WASHC5: variants seen among roughly 807,000 people sequenced by gnomAD.
The protein encoded by WASHC5 is WASH complex subunit strumpellin.
In WASHC5, 101 loss-of-function variants were observed where a neutral mutation model predicts 150.4. That is an observed-to-expected ratio of 0.67 (90% CI 0.57 to 0.79). The LOEUF (loss-of-function observed/expected upper bound fraction) is 0.79, where lower values mean the gene tolerates loss of function less well. Among genes scored for constraint, WASHC5 ranks in the 30% least tolerant of loss-of-function variants. The probability of loss-of-function intolerance (pLI) is 0.00; values close to 1 mark genes in which losing one functional copy is unlikely to be tolerated. For missense variants in WASHC5, 1,195 were observed against 1,396.3 expected (o/e 0.86, Z 2.30); for synonymous variants, 467 against 491.2 (o/e 0.95, Z 0.65).
At chr8:125,079,597 T>A (rs1184053112) in intron 5 of WASHC5, among the ~76,000 whole-genome samples, 1 of 151,872 alleles carries the variant, frequency 6.6e-6, no homozygotes, top group African/African-American at 2.4e-5. Context: ...TTTCGGAATA[T>A]AGCATTTTTC....
chr8:125,034,292 G>C (rs1586335308), intron 26 of WASHC5, among the ~76,000 whole-genome samples: 2 of 152,136 alleles, frequency 1.3e-5, no homozygotes, highest in Non-Finnish European at 2.9e-5. Flanking sequence ...TTGAGGTCAG[G>C]AGTTCGAGAC....
intron 17 of WASHC5, among the ~76,000 whole-genome samples, chr8:125,054,556 G>A (rs1383425460): frequency 6.6e-6 from 1 of 152,156 alleles, no homozygotes; most frequent in African/African-American, 2.4e-5. Context: ...GATATGGGCC[G>A]GGCGTGGTGG....
chr8:125,088,436 AGGGGG>A (rs1817488159), intron 1 of WASHC5, among the ~76,000 whole-genome samples: 1 of 132,406 alleles, frequency 7.6e-6, no homozygotes, highest in African/African-American at 3.1e-5. Context: ...AAAAAAAAAA[AGGGGG>A]AGGGGGGGAA....
At chr8:125,061,216 A>T (rs752682832) in intron 11 of WASHC5, 22 bp from the exon 12 acceptor site, 3 of 1,251,018 alleles carry the variant, frequency 2.4e-6, no homozygotes, top group Non-Finnish European at 3.5e-6. Flanking sequence ...GAAATAAGAA[A>T]ATACTGAAAT....
At chr8:125,060,771 C>T (rs1816571343) in intron 12 of WASHC5, among the ~76,000 whole-genome samples, 1 of 151,916 alleles carries the variant, frequency 6.6e-6, no homozygotes, top group Non-Finnish European at 1.5e-5. Context: ...TATACACATG[C>T]AATTTTGTTT....
chr8:125,058,104 C>T (rs1247644828), intron 14 of WASHC5, among the ~76,000 whole-genome samples: 4 of 150,854 alleles, frequency 2.7e-5, no homozygotes, highest in South Asian at 2.1e-4. Context: ...CAGATTCTAC[C>T]GAATCTGTCC....
chr8:125,042,517 T>A (rs925915812), intron 23 of WASHC5, among the ~76,000 whole-genome samples: 1 of 152,168 alleles, frequency 6.6e-6, no homozygotes, highest in African/African-American at 2.4e-5. Flanking sequence ...ACTGACTCGG[T>A]CACAGTCACG....
rs1403141236 is a variant in WASHC5, at chr8:125,082,464, A to G, written c.336T>C (p.Tyr112=). Residue 112 remains tyrosine (Y), a synonymous_variant, in exon 4 of 29, where the codon TAT becomes TAC. Transcript: ENST00000318410. ...AAACCCCTTCATTGAGATCATCTAG[A>G]TATCTAGAAATAAAACCACAGTGCA... The part of the protein sequence containing the change: ...VHKYIVDLNR[Y]LDDLNEGVYI... The G allele has an allele frequency of 2.0e-6, 3 of 1,506,942 alleles. No homozygotes were observed. The highest frequency in any genetic ancestry group is 2.8e-6 in the Non-Finnish European group (3 of 1,083,106). 93.3% of individuals were successfully genotyped at this position (1,506,942 alleles called of 1,614,324 possible). A position where few individuals can be genotyped will look rare whatever the true frequency, so the allele number is the denominator to read the frequency against.
chr8:125,050,447 T>C, intron 18 of WASHC5, 117 bp downstream of exon 18: 1 of 629,732 alleles, frequency 1.6e-6, no homozygotes, highest in Non-Finnish European at 2.9e-6. Context: ...AAATCACATA[T>C]TTGATATACG....
At chr8:125,064,047 C>T (rs16900314) in intron 10 of WASHC5, among the ~76,000 whole-genome samples, 4,006 of 152,272 alleles carry the variant, frequency 0.026, 182 homozygotes, top group African/African-American at 0.092. Context: ...GCAATTCTAA[C>T]GTAAACAGTC....
chr8:125,036,880 G>A (rs1448338408), intron 26 of WASHC5, among the ~76,000 whole-genome samples: 2 of 152,206 alleles, frequency 1.3e-5, no homozygotes, highest in East Asian at 3.9e-4. Context: ...GGGCGTGGTA[G>A]TACGTGCCTG....
At chr8:125,068,804 C>A (rs1816822023) in intron 9 of WASHC5, among the ~76,000 whole-genome samples, 1 of 152,210 alleles carries the variant, frequency 6.6e-6, no homozygotes, top group Admixed American at 6.5e-5. Context: ...CAAAATTAGG[C>A]AGTGATTGAC....
intron 7 of WASHC5, 34 bp downstream of exon 7, chr8:125,076,313 AT>A: frequency 1.2e-6 from 2 of 1,602,746 alleles, no homozygotes; most frequent in Non-Finnish European, 1.7e-6. Context: ...TCTCTAACAC[AT>A]TTACTGTAGA....
chr8:125,031,051 G>C (rs906870338), intron 27 of WASHC5, among the ~76,000 whole-genome samples: 3 of 152,148 alleles, frequency 2.0e-5, no homozygotes, highest in Non-Finnish European at 4.4e-5. Flanking sequence ...TCACAATCAG[G>C]AACTTTCTAA....
chr8:125,075,160 G>A, intron 7 of WASHC5, 49 bp from the exon 8 acceptor site: 1 of 1,131,250 alleles, frequency 8.8e-7, no homozygotes, highest in Non-Finnish European at 1.4e-6. Flanking sequence ...TCACTTCAAG[G>A]CAAAGGGTTG....
Position 125,028,681 on chromosome 8 carries a change from T to A in WASHC5, c.3362A>T (p.Asp1121Val). 1 of 1,613,854 alleles carries A rather than the reference T, an allele frequency of 6.2e-7. No homozygotes were observed. Among genetic ancestry groups the A allele is most frequent in the South Asian group, 1.1e-5 (1 of 91,088 alleles). ...CAGGAACAGAAGGGCACCCACAACA[T>A]CTGCAGGAATTTCAGGTATCTTCTG... Reference protein sequence around the residue: ...TSQKIPEIPADVVGALLFLED... With the variant: ...TSQKIPEIPAVVVGALLFLED... The change falls in exon 28 of 29, where the codon GAT (aspartate) becomes GTT (valine). Residue 1121 changes from aspartate (D) to valine (V), a missense_variant. This residue lies in a region of WASHC5 where 997 missense variants were observed against 1,168.1 expected (regional missense o/e 0.85). Transcript: ENST00000318410.
rs976759248 is a variant in WASHC5 at position 125,049,010 on chromosome 8, G to T, written c.2375C>A (p.Thr792Lys). The T allele has an allele frequency of 3.1e-6, 5 of 1,608,880 alleles. No individual in the cohort carries two copies. The highest frequency in any genetic ancestry group is 1.1e-5 in the South Asian group (1 of 90,458). The change falls in exon 19 of 29, where the codon ACG becomes AAG. Residue 792 changes from threonine (T) to lysine (K), a missense_variant. Coordinates refer to ENST00000318410, the MANE Select transcript of WASHC5 (RefSeq NM_014846.4). The stretch of plus-strand genomic sequence containing the variant: ...ATTTTAAAATTTATTAGATACCTTC[G>T]TTCTTAGAAAGTTATTACACTCTTG... ...VEQECNNFLR[T>K]KIQDWQSMYQ...
intron 10 of WASHC5, among the ~76,000 whole-genome samples, chr8:125,066,799 GAT>G (rs2130132977): frequency 1.3e-5 from 2 of 152,228 alleles, no homozygotes; most frequent in East Asian, 3.9e-4. Context: ...AAGACGACTT[GAT>G]ATTCTTCCTG....
chr8:125,087,730 CAAAA>C (rs35178691), intron 1 of WASHC5, among the ~76,000 whole-genome samples: 16 of 91,734 alleles, frequency 1.7e-4, no homozygotes, highest in African/African-American at 2.4e-4. Flanking sequence ...GACCCTCTCT[CAAAA>C]AAAAAAAAAA....
Sources: allele counts gnomAD v4.1 joint callset (sites outside exome capture counted in the v4.1 genomes callset), GRCh38; gene constraint gnomAD v4.1.1; regional missense constraint gnomAD v4.1.1; transcripts MANE v1.5; gene names NCBI Gene and HGNC (gene_info 2026-07-23, HGNC 2026-07-21).